The following MRS2 variants were observed in gnomAD, a reference collection of about 807,000 sequenced individuals.
MRS2 encodes the protein magnesium transporter MRS2, also known as magnesium transporter MRS2 homolog, mitochondrial.
A neutral mutation model predicts 52.6 loss-of-function variants in MRS2; 40 were observed. The observed-to-expected ratio is 0.76, with a 90% CI of 0.59 to 0.99. The LOEUF (loss-of-function observed/expected upper bound fraction) is 0.99, where lower values mean the gene tolerates loss of function less well. MRS2 is among the 50% of genes least tolerant of loss of function. MRS2 has a pLI of 0.00. For missense variants in MRS2, 472 were observed against 532.7 expected (o/e 0.89, Z 1.12); for synonymous variants, 193 against 195.9 (o/e 0.98, Z 0.13).
At chr6:24,417,376 C>A (rs1374034223) in intron 7 of MRS2, among the ~76,000 whole-genome samples, 1 of 152,172 alleles carries the variant, frequency 6.6e-6, no homozygotes, top group African/African-American at 2.4e-5. Context: ...ACATTATGTA[C>A]ACACCTCAAA....
intron 4 of MRS2, among the ~76,000 whole-genome samples, chr6:24,411,047 A>T (rs1010297330): frequency 6.6e-6 from 1 of 152,014 alleles, no homozygotes; most frequent in African/African-American, 2.4e-5. Context: ...AAAATTAGCC[A>T]GGCATGGTGG....
intron 5 of MRS2, among the ~76,000 whole-genome samples, chr6:24,414,039 TAC>T (rs1761755238): frequency 6.6e-6 from 1 of 152,264 alleles, no homozygotes; most frequent in African/African-American, 2.4e-5. Flanking sequence ...ATATTCTGTT[TAC>T]AGAGAACACA....
chr6:24,418,023 G>T, intron 7 of MRS2, 61 bp from the exon 8 acceptor site: 1 of 1,414,426 alleles, frequency 7.1e-7, no homozygotes, highest in East Asian at 2.4e-5. Flanking sequence ...GGAAGTTTTT[G>T]TCACTAAGTA....
At chr6:24,418,347 A>AT in intron 8 of MRS2, 111 bp downstream of exon 8, 4 of 1,509,066 alleles carry the variant, frequency 2.7e-6, no homozygotes, top group Non-Finnish European at 3.5e-6. Context: ...ATACTACATT[A>AT]TTATTATTTT....
intron 1 of MRS2, among the ~76,000 whole-genome samples, chr6:24,404,875 C>T (rs1029689073): frequency 6.6e-6 from 1 of 152,178 alleles, no homozygotes; most frequent in African/African-American, 2.4e-5. Flanking sequence ...CACATTTGTT[C>T]ATCCAACTCT....
At chr6:24,414,359 A>G (rs913637283) in intron 5 of MRS2, among the ~76,000 whole-genome samples, 1 of 150,876 alleles carries the variant, frequency 6.6e-6, no homozygotes, top group East Asian at 1.9e-4. Context: ...ACTCTTAACG[A>G]GCATGCTGCC....
chr6:24,423,409 T>G (rs1407323115), intron 10 of MRS2, 175 bp from the exon 11 acceptor site: 2 of 493,328 alleles, frequency 4.1e-6, no homozygotes, highest in Non-Finnish European at 7.3e-6. Context: ...TCTTAAAAGA[T>G]AGAAAATTCA....
At position 24,415,026 on chromosome 6, in the gene MRS2, T is replaced by C; in HGVS notation, c.589-7T>C. 6 of 1,591,582 alleles carry C rather than the reference T, an allele frequency of 3.8e-6. No individual in the cohort carries two copies. Among genetic ancestry groups the C allele is most frequent in the Non-Finnish European group, 5.2e-6 (6 of 1,164,598 alleles). On this transcript the variant is annotated splice_region_variant and splice_polypyrimidine_tract_variant and intron_variant, in intron 5 of 10. Transcript: ENST00000378386. ...TAATTCTTATGAAAGGTCATGTTGTTATCTAGATCAACACCCTTCAGGGGA... is the reference window on the plus strand; with the variant it reads ...TAATTCTTATGAAAGGTCATGTTGTCATCTAGATCAACACCCTTCAGGGGA...
chr6:24,414,358 G>C (rs1052627191), intron 5 of MRS2, among the ~76,000 whole-genome samples: 12 of 148,628 alleles, frequency 8.1e-5, no homozygotes, highest in South Asian at 2.1e-4. Context: ...GACTCTTAAC[G>C]AGCATGCTGC....
chr6:24,417,249 T>C (rs191511834), intron 7 of MRS2, among the ~76,000 whole-genome samples: 33 of 152,364 alleles, frequency 2.2e-4, no homozygotes, highest in Non-Finnish European at 4.9e-4. Flanking sequence ...GTCTCTAATA[T>C]GCTTTATGAT....
intron 1 of MRS2, among the ~76,000 whole-genome samples, chr6:24,404,341 C>T (rs149685922): frequency 3.2e-3 from 487 of 152,234 alleles, no homozygotes; most frequent in African/African-American, 0.011. Flanking sequence ...TCAGCAAATG[C>T]CTTTTACCTT....
intron 4 of MRS2, 143 bp downstream of exon 4, chr6:24,409,716 A>G (rs1282173100): frequency 3.4e-6 from 2 of 581,318 alleles, no homozygotes; most frequent in African/African-American, 3.8e-5. Context: ...ATAGCTTAAT[A>G]TGCTATTATG....
rs61751046 is a variant in MRS2 at position 24,412,326 on chromosome 6, A to T, written c.519A>T (p.Gly173=). 294 of 1,600,224 alleles carry T rather than the reference A, an allele frequency of 1.8e-4. No individual in the cohort carries two copies. The African/African-American group carries it at 2.3e-3, about 13-fold the overall frequency. ...LFRELPSQLS[G]EGQLVTYPLP... ...GGGAACTCCCTTCACAGTTGTCTGG[A>T]GAGGGTCAACTCGTTACATACCCTT... The change falls in exon 5 of 11, where the codon GGA becomes GGT. Residue 173 remains glycine, a synonymous_variant. Coordinates refer to ENST00000378386, the MANE Select transcript of MRS2 (RefSeq NM_020662.4).
At chr6:24,416,619 C>T in intron 7 of MRS2, 106 bp downstream of exon 7, 2 of 721,610 alleles carry the variant, frequency 2.8e-6, no homozygotes, top group Non-Finnish European at 4.9e-6. Flanking sequence ...TTCTGGACTA[C>T]AGAATATAGA....
chr6:24,406,129 C>G (rs1761467881), intron 2 of MRS2, among the ~76,000 whole-genome samples: 1 of 150,724 alleles, frequency 6.6e-6, no homozygotes, highest in Non-Finnish European at 1.5e-5. Flanking sequence ...AAAGGTGTGC[C>G]TATTCTGAGC....
chr6:24,407,055 T>C (rs1376343088), intron 2 of MRS2, among the ~76,000 whole-genome samples: 2 of 150,946 alleles, frequency 1.3e-5, no homozygotes, highest in African/African-American at 2.4e-5. Context: ...TGTTGCTAAT[T>C]TGGAAGGAGG....
Position 24,423,032 on chromosome 6 carries a change from A to G in MRS2, c.1203A>G (p.Glu401=). ...RLLSFLGRQL[E]APLPPMMASL... is the part of the protein sequence containing the mutation. ...TTTCATTCCTTGGACGACAGCTAGA[A>G]GCTCCATTGCCTCCTATGGTATGAA... is the stretch of plus-strand genomic sequence containing the variant. The change falls in exon 10 of 11, where the codon GAA becomes GAG. Residue 401 remains glutamate (E), a synonymous_variant. Transcript: ENST00000378386. 1.2e-6 allele frequency: 2 copies of G among 1,613,826 alleles called. No homozygotes were observed. The highest frequency in any genetic ancestry group is 8.5e-7 in the Non-Finnish European group (1 of 1,179,736).
Position 24,422,998 on chromosome 6 carries a change from G to C in MRS2, c.1169G>C (p.Arg390Thr). Reference sequence around the variant, plus strand: ...TTCATGGGAAGTGGCCTCATCTGGAGGCGCCTGCTTTCATTCCTTGGACGA... The same window carrying C: ...TTCATGGGAAGTGGCCTCATCTGGACGCGCCTGCTTTCATTCCTTGGACGA... ...IMFMGSGLIW[R>T]RLLSFLGRQL... The change falls in exon 10 of 11, where the codon AGG becomes ACG. Residue 390 changes from arginine (R) to threonine (T), a missense_variant. Physicochemically the swap from Arg to Thr is moderately conservative, Grantham distance 71. Transcript: ENST00000378386. 1 of 1,614,124 alleles carries C rather than the reference G, an allele frequency of 6.2e-7. No homozygotes were observed. The highest frequency in any genetic ancestry group is 8.5e-7 in the Non-Finnish European group (1 of 1,180,000).
rs1199202753 is a variant in MRS2, at chr6:24,420,116, G to A, written c.1107+1538G>A. On this transcript the variant is annotated intron_variant, in intron 9 of 10. Coordinates refer to ENST00000378386, the MANE Select transcript of MRS2 (RefSeq NM_020662.4). ...CTTAGGATAAAAATCCCGTCCTGCC[G>A]CACCGACTTGTCCATCTTGTGGGTA... 8.5e-5 allele frequency among the ~76,000 whole-genome samples: 13 copies of A among 152,142 alleles called. No individual in the cohort carries two copies. In the East Asian group the frequency reaches 1.7e-3, roughly 20 times the overall value.
Sources: allele counts gnomAD v4.1 joint callset (sites outside exome capture counted in the v4.1 genomes callset), GRCh38; gene constraint gnomAD v4.1.1; transcripts MANE v1.5; gene names NCBI Gene and HGNC (gene_info 2026-07-23, HGNC 2026-07-21).